Variants in SRCAP observed in about 807,000 individuals in gnomAD.
The protein encoded by SRCAP is Snf2 related CREBBP activator protein.
Under a neutral mutation model 263.1 loss-of-function variants are expected in SRCAP, and 46 were observed. The observed-to-expected ratio is 0.17, with a 90% CI of 0.14 to 0.22. SRCAP has a LOEUF of 0.22. Among genes scored for constraint, SRCAP ranks in the 10% least tolerant of loss-of-function variants. SRCAP has a pLI of 1.00. For synonymous variants in SRCAP, 1,813 were observed against 1,662.1 expected, an observed-to-expected ratio of 1.09 and a Z score of -2.21; for missense variants, 3,695 against 4,181.9, an observed-to-expected ratio of 0.88 and a Z score of 3.21.
Position 30,739,845 on chromosome 16 carries a change from T to C in SRCAP, c.*112T>C, listed in dbSNP as rs2053207624. On this transcript the variant is annotated 3_prime_UTR_variant, in exon 34 of 34. Coordinates refer to ENST00000262518, the MANE Select transcript of SRCAP (RefSeq NM_006662.3). ...GAGGGGGAAAGCCTCCAGGGAGACA[T>C]AGGGGCCTTCTCCCTTCTTCCCACC... is the stretch of plus-strand genomic sequence containing the variant. 9 of 1,401,194 alleles carry C rather than the reference T, an allele frequency of 6.4e-6. No homozygotes were observed. The highest frequency in any genetic ancestry group is 3.4e-5 in the South Asian group (2 of 59,576). 86.8% of individuals were successfully genotyped at this position (1,401,194 alleles called of 1,614,324 possible).
Position 30,733,913 on chromosome 16 carries a change from G to A in SRCAP, c.6514G>A (p.Val2172Met), listed in dbSNP as rs1288120677. The stretch of plus-strand genomic sequence containing the variant: ...CCCTAGGCTTATCAGTGAACGGACA[G>A]TGGAGGAGAACATCCTAAAAAAGGC... Reference protein sequence around the residue: ...HIYRLISERTVEENILKKANQ... With the variant: ...HIYRLISERTMEENILKKANQ... Residue 2172 changes from valine to methionine, a missense_variant, in exon 30 of 34, where the codon GTG becomes ATG. Around this residue, in one of 12 missense-constraint regions of SRCAP, gnomAD observed 138 missense variants for 254.9 expected, o/e 0.54. Coordinates refer to ENST00000262518, the MANE Select transcript of SRCAP (RefSeq NM_006662.3). This position sits in a 1 kb window ranked among gnomAD's most constrained non-coding sequence, Gnocchi z 5.3. The A allele has an allele frequency of 1.9e-6, 3 of 1,614,168 alleles. No homozygotes were observed. The highest frequency in any genetic ancestry group is 2.5e-6 in the Non-Finnish European group (3 of 1,180,030).
Position 30,720,892 on chromosome 16 carries a change from C to T in SRCAP, c.3167C>T (p.Ala1056Val), listed in dbSNP as rs1567246277. ...PASLMVSASPAGPPLIPASRP... is the reference protein window; with the variant it reads ...PASLMVSASPVGPPLIPASRP... ...TCACTGATGGTTTCAGCCTCACCTG[C>T]CGGGCCCCCGCTTATTCCTGCATCT... Residue 1056 changes from alanine to valine, a missense_variant, in exon 20 of 34, where the codon GCC becomes GTC. Physicochemically the swap from Ala to Val is moderately conservative, Grantham distance 64 (BLOSUM62 0). This residue lies in a region of SRCAP where 1,347 missense variants were observed against 1,304.4 expected (regional missense o/e 1.03). Coordinates refer to ENST00000262518, the MANE Select transcript of SRCAP (RefSeq NM_006662.3). The T allele has an allele frequency of 6.2e-7, 1 of 1,614,134 alleles. No individual in the cohort carries two copies. The highest frequency in any genetic ancestry group is 1.1e-5 in the South Asian group (1 of 91,082).
intron 4 of SRCAP, among the ~76,000 whole-genome samples, chr16:30,705,384 A>T (rs1177054560): frequency 6.6e-6 from 1 of 152,006 alleles, no homozygotes; most frequent in Admixed American, 6.6e-5. Context: ...TTTATTTTTT[A>T]TTTTTATTTT....
intron 8 of SRCAP, chr16:30,710,477 T>C (rs573182100): frequency 8.2e-6 from 6 of 728,710 alleles, no homozygotes; most frequent in African/African-American, 5.1e-5. Context: ...CCTTAAGTCT[T>C]TTCTGTTTCT....
intron 21 of SRCAP, among the ~76,000 whole-genome samples, chr16:30,721,921 A>G (rs1164086386): frequency 1.3e-5 from 2 of 152,190 alleles, no homozygotes; most frequent in Non-Finnish European, 2.9e-5. Flanking sequence ...GAGATTGCTA[A>G]GCAAATGGGA....
chr16:30,700,435 G>A (rs1475683988), intron 2 of SRCAP, among the ~76,000 whole-genome samples, 181 bp from the exon 3 acceptor site: 2 of 152,156 alleles, frequency 1.3e-5, no homozygotes, highest in African/African-American at 2.4e-5. Context: ...GTAGGTGTGA[G>A]GATTATAGAA....
intron 4 of SRCAP, among the ~76,000 whole-genome samples, chr16:30,705,272 C>T (rs2052813873): frequency 6.6e-6 from 1 of 152,180 alleles, no homozygotes; most frequent in African/African-American, 2.4e-5. Flanking sequence ...TGCACACCAG[C>T]CTGGGTAACA....
rs2053207943 is a variant in SRCAP, at chr16:30,739,883, AG to A, written c.*152del. 3.2e-6 allele frequency: 4 copies of A among 1,252,024 alleles called. No homozygotes were observed. The East Asian group carries it at 8.4e-5, about 26-fold the overall frequency. 77.6% of individuals were successfully genotyped at this position (1,252,024 alleles called of 1,614,324 possible). ...CCTTCTTCCCACCAAAGTAGGGGGT[AG>A]GCAACTGGTTGTCATGGAAATGGGG... On this transcript the variant is annotated 3_prime_UTR_variant, in exon 34 of 34. Transcript: ENST00000262518.
chr16:30,722,421 A>G (rs1243329144), intron 22 of SRCAP, 135 bp downstream of exon 22: 1 of 1,501,548 alleles, frequency 6.7e-7, no homozygotes, highest in Admixed American at 2.1e-5. Context: ...GCATGGTTGG[A>G]GGGATCTTGG....
Position 30,739,502 on chromosome 16 carries a change from G to C in SRCAP, c.9462G>C (p.Arg3154=), listed in dbSNP as rs1255788922. 3 of 1,613,380 alleles carry C rather than the reference G, an allele frequency of 1.9e-6. No homozygotes were observed. Among genetic ancestry groups the C allele is most frequent in the Non-Finnish European group, 2.5e-6 (3 of 1,179,822 alleles). ...PVGGSPGLAK[R]GRLQPPSPLG... ...GTGGGAGTCCTGGGCTGGCAAAGCG[G>C]GGCCGCCTACAGCCCCCAAGTCCCC... The change falls in exon 34 of 34, where the codon CGG becomes CGC. Residue 3154 remains arginine (R), a synonymous_variant. Transcript: ENST00000262518.
chr16:30,727,499 A>G (rs1214751186), intron 25 of SRCAP, among the ~76,000 whole-genome samples: 2 of 151,810 alleles, frequency 1.3e-5, no homozygotes, highest in South Asian at 2.1e-4. Context: ...TGAACCTCCC[A>G]TCTCAGCCCT....
At chr16:30,720,128 C>T (rs776200045) in intron 18 of SRCAP, 34 bp from the exon 19 acceptor site, 4 of 1,584,906 alleles carry the variant, frequency 2.5e-6, no homozygotes, top group South Asian at 2.2e-5. Context: ...TGATTTTGTT[C>T]TTCTTTATGA....
intron 25 of SRCAP, 112 bp from the exon 26 acceptor site, chr16:30,728,854 T>G: frequency 7.8e-7 from 1 of 1,281,952 alleles, no homozygotes; most frequent in Non-Finnish European, 1.1e-6. Context: ...AAGCATAGTG[T>G]ATTTTTGGAT....
At chr16:30,714,743 C>T (rs972556111) in intron 16 of SRCAP, among the ~76,000 whole-genome samples, 2 of 151,508 alleles carry the variant, frequency 1.3e-5, no homozygotes, top group East Asian at 2.0e-4. Context: ...TTAAGTGATC[C>T]GCCCTGCCCC....
Position 30,712,040 on chromosome 16 carries a change from A to G in SRCAP, c.1698A>G (p.Ala566=). ...ATGAAGAGCAGAGTGAGGCAGATGC[A>G]GGCAGTGGGCCTCCTACTCCAGGGC... ...ARDEEQSEAD[A]GSGPPTPGPT... is the part of the protein sequence containing the mutation. The change falls in exon 12 of 34, where the codon GCA becomes GCG. Residue 566 remains alanine (A), a synonymous_variant. Transcript: ENST00000262518. 1 of 1,614,078 alleles carries G rather than the reference A, an allele frequency of 6.2e-7. No individual in the cohort carries two copies. The highest frequency in any genetic ancestry group is 8.5e-7 in the Non-Finnish European group (1 of 1,180,024).
chr16:30,712,954 C>A, intron 14 of SRCAP, 139 bp downstream of exon 14: 1 of 1,184,272 alleles, frequency 8.4e-7, no homozygotes, highest in Non-Finnish European at 1.2e-6. Flanking sequence ...AAGATGGGGT[C>A]TCACTATGTT....
chr16:30,702,328 G>A (rs978179721), intron 3 of SRCAP, among the ~76,000 whole-genome samples: 1 of 151,772 alleles, frequency 6.6e-6, no homozygotes, highest in African/African-American at 2.4e-5. Context: ...CACCTCCTGG[G>A]TTCAAGTGAT....
chr16:30,715,871 G>A (rs974611526), intron 16 of SRCAP, among the ~76,000 whole-genome samples, 195 bp from the exon 17 acceptor site: 1 of 152,088 alleles, frequency 6.6e-6, no homozygotes, highest in Non-Finnish European at 1.5e-5. Flanking sequence ...ATCACTTCCT[G>A]TGTCATGGTA....
At position 30,700,824 on chromosome 16, in the gene SRCAP, C is replaced by A. The variant is rs754305694; in HGVS notation, c.-1C>A. Reference sequence around the variant, plus strand: ...CCAAGGGGGAGCCTGGGAGTGGGACCATGCAGAGCAGCCCCTCCCCTGCTC... The same window carrying A: ...CCAAGGGGGAGCCTGGGAGTGGGACAATGCAGAGCAGCCCCTCCCCTGCTC... On this transcript the variant is annotated 5_prime_UTR_variant, in exon 3 of 34. Transcript: ENST00000262518. 25 of 1,614,042 alleles carry A rather than the reference C, an allele frequency of 1.5e-5. No homozygotes were observed. The highest frequency in any genetic ancestry group is 2.1e-5 in the Non-Finnish European group (25 of 1,179,924).
Sources: gnomAD v4.1 joint callset for allele counts (sites outside exome capture counted in the v4.1 genomes callset) on GRCh38, gnomAD v4.1.1 for gene constraint, gnomAD v4.1.1 regional missense constraint, Gnocchi (gnomAD v3.1) non-coding constraint, MANE v1.5 for transcripts, NCBI Gene and HGNC (gene_info 2026-07-23, HGNC 2026-07-21) for gene names.